The following MIER1 variants were observed in gnomAD, a reference collection of about 807,000 sequenced individuals.
The protein encoded by MIER1 is mesoderm induction early response protein 1.
Under a neutral mutation model 75.7 loss-of-function variants are expected in MIER1, and 40 were observed. The ratio of observed to expected loss-of-function variants is 0.53; its 90% CI spans 0.41 to 0.69. The LOEUF (loss-of-function observed/expected upper bound fraction) is 0.69, where lower values mean the gene tolerates loss of function less well. Among genes scored for constraint, MIER1 ranks in the 30% least tolerant of loss-of-function variants. MIER1 has a pLI of 0.00. For synonymous variants in MIER1, 213 were observed against 223.4 expected (o/e 0.95, Z 0.42); for missense variants, 574 against 680.2 (o/e 0.84, Z 1.74).
chr1:66,937,667 A>G (rs1306456585), intron 2 of MIER1, among the ~76,000 whole-genome samples: 1 of 152,230 alleles, frequency 6.6e-6, no homozygotes, highest in African/African-American at 2.4e-5. Flanking sequence ...CTAAATAAAA[A>G]TTACCCTTAT....
chr1:66,976,297 C>T (rs535788153), intron 11 of MIER1, among the ~76,000 whole-genome samples: 4 of 152,146 alleles, frequency 2.6e-5, no homozygotes, highest in African/African-American at 4.8e-5. Context: ...CCACCGTGCC[C>T]GGCCAACTTC....
chr1:66,931,038 C>G (rs1453273438), intron 2 of MIER1, among the ~76,000 whole-genome samples: 1 of 151,482 alleles, frequency 6.6e-6, no homozygotes, highest in African/African-American at 2.4e-5. Context: ...CCTCCCCCCA[C>G]CACCTTCACT....
At chr1:66,955,900 G>T (rs1227498112) in intron 4 of MIER1, among the ~76,000 whole-genome samples, 1 of 152,032 alleles carries the variant, frequency 6.6e-6, no homozygotes, top group Non-Finnish European at 1.5e-5. Context: ...AGGAGGTCTG[G>T]GTATTATAAT....
chr1:66,925,711 T>C (rs1409271935), intron 1 of MIER1, among the ~76,000 whole-genome samples: 1 of 152,224 alleles, frequency 6.6e-6, no homozygotes, highest in Non-Finnish European at 1.5e-5. Flanking sequence ...GCTAGGTCCC[T>C]GGCCTGGAGC....
chr1:66,979,210 T>C (rs1291882601), intron 12 of MIER1, among the ~76,000 whole-genome samples: 1 of 152,218 alleles, frequency 6.6e-6, no homozygotes, highest in Non-Finnish European at 1.5e-5. Flanking sequence ...CTACATTTCT[T>C]TCCAGATGGG....
At chr1:66,943,291 A>T (rs1656687194) in intron 3 of MIER1, among the ~76,000 whole-genome samples, 1 of 152,172 alleles carries the variant, frequency 6.6e-6, no homozygotes, top group Non-Finnish European at 1.5e-5. Flanking sequence ...CCTTGTGTCC[A>T]TTGCCTCAAG....
intron 3 of MIER1, among the ~76,000 whole-genome samples, chr1:66,944,217 T>C (rs2101412334): frequency 6.6e-6 from 1 of 152,206 alleles, no homozygotes; most frequent in African/African-American, 2.4e-5. Context: ...GCTCTATCTC[T>C]TTGCTTTACT....
At chr1:66,925,939 C>G (rs915137681) in intron 1 of MIER1, among the ~76,000 whole-genome samples, 1 of 152,152 alleles carries the variant, frequency 6.6e-6, no homozygotes, top group African/African-American at 2.4e-5. Flanking sequence ...ATGAGGCGAC[C>G]TATTTATTGG....
intron 4 of MIER1, among the ~76,000 whole-genome samples, chr1:66,955,978 A>G (rs1409238015): frequency 1.3e-5 from 2 of 152,202 alleles, no homozygotes; most frequent in East Asian, 3.8e-4. Context: ...CAAGCACTCC[A>G]TTTGGTACTT....
At chr1:66,974,354 T>G (rs1399551937) in intron 11 of MIER1, among the ~76,000 whole-genome samples, 1 of 152,076 alleles carries the variant, frequency 6.6e-6, no homozygotes, top group Non-Finnish European at 1.5e-5. Flanking sequence ...TGACTGGCCG[T>G]GTATGTTTTT....
Position 66,926,156 on chromosome 1 carries a change from C to A in MIER1, c.82C>A (p.Arg28=), listed in dbSNP as rs1273339872. ...SSGSGYGVVA[R]FSQCLAEFRT... is the part of the protein sequence containing the mutation. ...CTTTGATCCAGATGGTGTGGTCGCT[C>A]GATTCTCCCAGTGCCTGGCTGAGTT... is the stretch of plus-strand genomic sequence containing the variant. The change falls in exon 2 of 14, where the codon CGA becomes AGA. Residue 28 remains arginine (R), a synonymous_variant. Transcript: ENST00000401041. 6.2e-7 allele frequency: 1 copy of A among 1,613,546 alleles called. No individual in the cohort carries two copies. The highest frequency in any genetic ancestry group is 1.7e-5 in the Admixed American group (1 of 59,990).
At chr1:66,969,801 A>G (rs1663240617) in intron 8 of MIER1, among the ~76,000 whole-genome samples, 1 of 152,134 alleles carries the variant, frequency 6.6e-6, no homozygotes, top group Admixed American at 6.6e-5. Context: ...CTCCACCATC[A>G]TAACTAAACT....
intron 3 of MIER1, chr1:66,940,270 CTTTTTTTT>C (rs35904130): frequency 1.4e-4 from 19 of 131,440 alleles, no homozygotes; most frequent in South Asian, 5.2e-4. Context: ...TTTGGGTTTT[CTTTTTTTT>C]TTTTTTTTTT....
chr1:66,949,386 T>C (rs961575023), intron 4 of MIER1, among the ~76,000 whole-genome samples: 1 of 152,320 alleles, frequency 6.6e-6, no homozygotes, highest in East Asian at 1.9e-4. Context: ...TCCTATTCCT[T>C]TCCCCAGCCC....
chr1:66,958,016 A>G (rs1260872903), intron 4 of MIER1, 43 bp from the exon 5 acceptor site: 3 of 1,280,078 alleles, frequency 2.3e-6, no homozygotes, highest in Admixed American at 2.0e-5. Context: ...GGAATCAGAA[A>G]TATCACTGAT....
intron 3 of MIER1, among the ~76,000 whole-genome samples, chr1:66,940,504 A>T (rs976036248): frequency 3.8e-4 from 58 of 152,154 alleles, no homozygotes; most frequent in African/African-American, 1.4e-3. Context: ...TGAATATTTA[A>T]TGTAAATAAG....
intron 4 of MIER1, among the ~76,000 whole-genome samples, chr1:66,950,194 C>T (rs1658601076): frequency 6.6e-6 from 1 of 152,106 alleles, no homozygotes; most frequent in African/African-American, 2.4e-5. Flanking sequence ...CTGCAACCTC[C>T]ACCTCCTGGG....
chr1:66,939,293 C>T (rs763177951), intron 2 of MIER1, among the ~76,000 whole-genome samples: 14 of 152,094 alleles, frequency 9.2e-5, no homozygotes, highest in Non-Finnish European at 1.6e-4. Flanking sequence ...CAAGCAGTAA[C>T]ATTACTAAAA....
At chr1:66,930,354 C>A in intron 2 of MIER1, 2 of 1,606,294 alleles carry the variant, frequency 1.2e-6, no homozygotes, top group Non-Finnish European at 1.7e-6. Flanking sequence ...GACCCAGCTG[C>A]GGCCGCCGCG....
Sources: allele counts gnomAD v4.1 joint callset (sites outside exome capture counted in the v4.1 genomes callset), GRCh38; gene constraint gnomAD v4.1.1; transcripts MANE v1.5; gene names NCBI Gene and HGNC (gene_info 2026-07-23, HGNC 2026-07-21).